DYM: variants seen among roughly 807,000 people sequenced by gnomAD.
The protein encoded by DYM is dyggve-Melchior-Clausen syndrome protein.
In DYM, 78 loss-of-function variants were observed where a neutral mutation model predicts 93.1. That is an observed-to-expected ratio of 0.84 (90% CI 0.70 to 1.01). DYM has a LOEUF of 1.01. Ranked by LOEUF, DYM falls within the 50% of genes least tolerant of loss-of-function variation. DYM has a pLI of 0.00. For synonymous variants in DYM, 321 were observed against 319.7 expected (o/e 1.00, Z -0.04); for missense variants, 789 against 845.0 (o/e 0.93, Z 0.82).
At chr18:49,171,400 T>C (rs923666151) in intron 14 of DYM, among the ~76,000 whole-genome samples, 4 of 151,924 alleles carry the variant, frequency 2.6e-5, no homozygotes, top group African/African-American at 9.7e-5. Context: ...ACAGCAGTCA[T>C]AGGGGAAAAG....
intron 2 of DYM, among the ~76,000 whole-genome samples, chr18:49,418,360 G>GA (rs902432302): frequency 2.0e-5 from 3 of 151,838 alleles, no homozygotes; most frequent in South Asian, 2.1e-4. Context: ...AAATATTTAG[G>GA]AAAAAAACAG....
chr18:49,336,873 C>T (rs754971238), intron 6 of DYM, among the ~76,000 whole-genome samples: 3 of 152,108 alleles, frequency 2.0e-5, no homozygotes, highest in African/African-American at 4.8e-5. Context: ...CAAAAGAAAG[C>T]GTCTCTTAAA....
chr18:49,393,101 G>T (rs1166298227), intron 2 of DYM, among the ~76,000 whole-genome samples: 1 of 2,626 alleles, frequency 3.8e-4, no homozygotes, highest in Admixed American at 4.0e-3. Context: ...GGGAAGGAAG[G>T]AAGGAAGGAA....
intron 3 of DYM, among the ~76,000 whole-genome samples, chr18:49,381,639 T>C (rs2147737298): frequency 6.6e-6 from 1 of 152,330 alleles, no homozygotes; most frequent in African/African-American, 2.4e-5. Context: ...ACTGCACATG[T>C]GTGAAATGTG....
chr18:49,441,282 A>T (rs1287668728), intron 1 of DYM, among the ~76,000 whole-genome samples: 3 of 34,118 alleles, frequency 8.8e-5, no homozygotes, highest in East Asian at 1.2e-3. Flanking sequence ...TATATTATAT[A>T]ATTATATATA....
chr18:49,133,732 C>A (rs2083577855), intron 15 of DYM, among the ~76,000 whole-genome samples: 1 of 152,212 alleles, frequency 6.6e-6, no homozygotes. Flanking sequence ...CCTGCTTTGG[C>A]TGGACAAAAA....
chr18:49,395,135 A>G (rs2147955088), intron 2 of DYM, among the ~76,000 whole-genome samples: 1 of 152,326 alleles, frequency 6.6e-6, no homozygotes, highest in South Asian at 2.1e-4. Flanking sequence ...AAAAATAGAC[A>G]AATAGGATTA....
intron 17 of DYM, among the ~76,000 whole-genome samples, chr18:49,089,044 T>G (rs1239802990): frequency 6.6e-6 from 1 of 152,198 alleles, no homozygotes; most frequent in Non-Finnish European, 1.5e-5. Context: ...GTGATCCTCC[T>G]GCCTCAGCCT....
chr18:49,325,938 A>C (rs1406532390), intron 8 of DYM, among the ~76,000 whole-genome samples: 1 of 152,364 alleles, frequency 6.6e-6, no homozygotes, highest in South Asian at 2.1e-4. Flanking sequence ...ACATTTCCTC[A>C]GTAGTTAGTA....
chr18:49,119,355 T>C (rs999883291), intron 15 of DYM, among the ~76,000 whole-genome samples: 1 of 152,208 alleles, frequency 6.6e-6, no homozygotes, highest in Non-Finnish European at 1.5e-5. Context: ...CTCTACACTG[T>C]CATTTCAGTC....
intron 15 of DYM, among the ~76,000 whole-genome samples, chr18:49,150,632 G>A (rs980413364): frequency 5.9e-5 from 9 of 152,118 alleles, no homozygotes; most frequent in South Asian, 4.2e-4. Context: ...ATTTTGTTAC[G>A]GCATCTTGAG....
intron 2 of DYM, among the ~76,000 whole-genome samples, chr18:49,398,303 C>T (rs2070369924): frequency 6.6e-6 from 1 of 152,112 alleles, no homozygotes; most frequent in Non-Finnish European, 1.5e-5. Flanking sequence ...CCTCCCTACC[C>T]CTTTTTCTAT....
chr18:49,222,132 C>A (rs1262829752), intron 13 of DYM, among the ~76,000 whole-genome samples: 1 of 151,848 alleles, frequency 6.6e-6, no homozygotes, highest in Non-Finnish European at 1.5e-5. Flanking sequence ...CATTCACTTA[C>A]TTAAAATTAG....
chr18:49,193,832 A>G (rs1407565011), intron 14 of DYM, among the ~76,000 whole-genome samples: 1 of 152,222 alleles, frequency 6.6e-6, no homozygotes, highest in Non-Finnish European at 1.5e-5. Context: ...ATAACATAGA[A>G]ATAAATCATT....
At chr18:49,422,758 T>C (rs1446406998) in intron 2 of DYM, among the ~76,000 whole-genome samples, 3 of 152,110 alleles carry the variant, frequency 2.0e-5, no homozygotes, top group Non-Finnish European at 4.4e-5. Context: ...TAGTCTCTGA[T>C]AAAACAGACT....
intron 13 of DYM, among the ~76,000 whole-genome samples, chr18:49,246,121 G>A (rs1038302048): frequency 1.3e-5 from 2 of 152,132 alleles, no homozygotes; most frequent in African/African-American, 2.4e-5. Context: ...GTAAATGCTC[G>A]GAAAACTCAC....
intron 13 of DYM, among the ~76,000 whole-genome samples, chr18:49,228,546 G>A (rs922929012): frequency 1.3e-5 from 2 of 152,146 alleles, no homozygotes; most frequent in African/African-American, 4.8e-5. Context: ...CAGCAGAATA[G>A]AGAACTAGAA....
At chr18:49,112,248 C>T (rs911131342) in intron 16 of DYM, among the ~76,000 whole-genome samples, 1 of 151,610 alleles carries the variant, frequency 6.6e-6, no homozygotes, top group African/African-American at 2.4e-5. Flanking sequence ...CCTTGGGAGG[C>T]TCTCTGGCTT....
At chr18:49,320,279 A>G (rs1367896721) in intron 8 of DYM, among the ~76,000 whole-genome samples, 1 of 152,200 alleles carries the variant, frequency 6.6e-6, no homozygotes, top group Non-Finnish European at 1.5e-5. Context: ...AAAATAGTCA[A>G]ACATATAGAA....
Sources: allele counts gnomAD v4.1 joint callset (sites outside exome capture counted in the v4.1 genomes callset), GRCh38; gene constraint gnomAD v4.1.1; transcripts MANE v1.5; gene names NCBI Gene and HGNC (gene_info 2026-07-23, HGNC 2026-07-21).